Variants in DSCAML1 observed in about 807,000 individuals in gnomAD.
The protein encoded by DSCAML1 is cell adhesion molecule DSCAML1.
Under a neutral mutation model 200.5 loss-of-function variants are expected in DSCAML1, and 38 were observed. That is an observed-to-expected ratio of 0.19 (90% confidence interval 0.15 to 0.25). The LOEUF is 0.25. Among genes scored for constraint, DSCAML1 ranks in the 10% least tolerant of loss-of-function variants. The probability of loss-of-function intolerance (pLI) is 1.00; values close to 1 mark genes in which losing one functional copy is unlikely to be tolerated. For missense variants in DSCAML1, 2,223 were observed against 2,858.8 expected, an observed-to-expected ratio of 0.78 and a Z score of 5.07; for synonymous variants, 1,215 against 1,165.0, an observed-to-expected ratio of 1.04 and a Z score of -0.87.
At chr11:117,769,503 A>G (rs2054994373) in intron 3 of DSCAML1, among the ~76,000 whole-genome samples, 1 of 88,554 alleles carries the variant, frequency 1.1e-5, no homozygotes, top group South Asian at 2.6e-4. Context: ...TATATATAAT[A>G]TATATTTTAT....
In DSCAML1 at chr11:117,493,348, C is replaced by T. The variant is rs561031057; in HGVS notation, c.2359+10497G>A. On this transcript the variant is annotated intron_variant, in intron 11 of 32. Coordinates refer to ENST00000651296, the MANE Select transcript of DSCAML1 (RefSeq NM_020693.4). ...TTTTTTTTTTTTTGAGACAGAGTCTCGCTCTGTCACCAGGCTGGAGTGCAG... is the reference window on the plus strand; with the variant it reads ...TTTTTTTTTTTTTGAGACAGAGTCTTGCTCTGTCACCAGGCTGGAGTGCAG... 5.4e-5 allele frequency among the ~76,000 whole-genome samples: 8 copies of T among 148,370 alleles called. 1 individual carries two copies. Among genetic ancestry groups the T allele is most frequent in the Admixed American group, 4.7e-4 (7 of 14,912 alleles).
chr11:117,737,027 A>G (rs1277194634), intron 3 of DSCAML1, among the ~76,000 whole-genome samples: 2 of 152,124 alleles, frequency 1.3e-5, no homozygotes, highest in African/African-American at 4.8e-5. Flanking sequence ...GCAAGAGCTC[A>G]ACAAGCTGCT....
At chr11:117,486,921 T>C (rs1437990204) in intron 11 of DSCAML1, among the ~76,000 whole-genome samples, 32 of 85,104 alleles carry the variant, frequency 3.8e-4, no homozygotes, top group African/African-American at 1.2e-4. Context: ...CTTTTTTTTT[T>C]TTTTTTTTTT....
At chr11:117,506,296 C>G (rs551555002) in intron 8 of DSCAML1, among the ~76,000 whole-genome samples, 1 of 152,226 alleles carries the variant, frequency 6.6e-6, no homozygotes, top group East Asian at 1.9e-4. Flanking sequence ...AGTGGAAGCT[C>G]ACATCACTGT....
rs936546681 is a variant in DSCAML1 at position 117,469,626 on chromosome 11, G to T, written c.3024+284C>A. On this transcript the variant is annotated intron_variant, in intron 16 of 32. Coordinates refer to ENST00000651296, the MANE Select transcript of DSCAML1 (RefSeq NM_020693.4). This position sits in a 1 kb window ranked among gnomAD's most constrained non-coding sequence, Gnocchi z 4.1. Reference sequence around the variant, plus strand: ...TTGGACGACGGGCCAGCACCACCGAGGAACCATCTTCCCTCCTTGGCACTG... The same window carrying T: ...TTGGACGACGGGCCAGCACCACCGATGAACCATCTTCCCTCCTTGGCACTG... 1.3e-5 allele frequency among the ~76,000 whole-genome samples: 2 copies of T among 152,114 alleles called. No individual in the cohort carries two copies. The highest frequency in any genetic ancestry group is 2.9e-5 in the Non-Finnish European group (2 of 68,026).
At chr11:117,566,189 T>C (rs2050751879) in intron 3 of DSCAML1, among the ~76,000 whole-genome samples, 1 of 152,212 alleles carries the variant, frequency 6.6e-6, no homozygotes, top group South Asian at 2.1e-4. Flanking sequence ...GAGTGACTTG[T>C]ACAAAATTAG....
At chr11:117,441,530 C>T (rs1592580603) in intron 21 of DSCAML1, among the ~76,000 whole-genome samples, 1 of 150,118 alleles carries the variant, frequency 6.7e-6, no homozygotes, top group African/African-American at 2.5e-5. Flanking sequence ...AGGTGCGGGG[C>T]CACAGGTGCC....
chr11:117,643,831 CT>C (rs1591356101), intron 3 of DSCAML1, among the ~76,000 whole-genome samples: 1 of 152,344 alleles, frequency 6.6e-6, no homozygotes, highest in East Asian at 1.9e-4. Context: ...CCCTGTCACC[CT>C]CTGGGGTGAG....
intron 8 of DSCAML1, among the ~76,000 whole-genome samples, chr11:117,512,816 C>A (rs2049668740): frequency 2.6e-5 from 4 of 151,756 alleles, no homozygotes; most frequent in Admixed American, 2.6e-4. Flanking sequence ...TCCCCTTCCC[C>A]CCACTTCCCT....
chr11:117,750,470 G>A (rs917964977), intron 3 of DSCAML1, among the ~76,000 whole-genome samples: 1 of 152,214 alleles, frequency 6.6e-6, no homozygotes, highest in African/African-American at 2.4e-5. Flanking sequence ...CTCAAAGGCT[G>A]TACCTGCAGG....
intron 3 of DSCAML1, among the ~76,000 whole-genome samples, chr11:117,547,149 C>T (rs1221844367): frequency 6.6e-6 from 1 of 152,148 alleles, no homozygotes; most frequent in Non-Finnish European, 1.5e-5. Flanking sequence ...CCTCTTTATT[C>T]CCGGCCCTCG....
intron 11 of DSCAML1, among the ~76,000 whole-genome samples, chr11:117,496,989 T>C (rs769712612): frequency 1.3e-5 from 2 of 152,214 alleles, no homozygotes; most frequent in African/African-American, 2.4e-5. Context: ...CAGTAAGATC[T>C]CCCATGTTTC....
chr11:117,796,937 C>T, intron 1 of DSCAML1, 97 bp downstream of exon 1: 1 of 966,498 alleles, frequency 1.0e-6, no homozygotes, highest in Non-Finnish European at 1.4e-6. Flanking sequence ...GTCGGTTCCC[C>T]CACGCACCTG....
At chr11:117,773,163 T>C (rs1363504567) in intron 3 of DSCAML1, among the ~76,000 whole-genome samples, 1 of 152,114 alleles carries the variant, frequency 6.6e-6, no homozygotes, top group Non-Finnish European at 1.5e-5. Context: ...CTTCCCAGAC[T>C]CCTTCAGAAA....
chr11:117,524,737 C>T (rs1306899142), intron 5 of DSCAML1, 68 bp downstream of exon 5: 2 of 1,519,520 alleles, frequency 1.3e-6, no homozygotes, highest in African/African-American at 1.4e-5. Context: ...GTCGGCCACA[C>T]TCCTCCCCCG....
intron 3 of DSCAML1, among the ~76,000 whole-genome samples, chr11:117,760,255 A>G (rs993691751): frequency 5.3e-5 from 8 of 152,238 alleles, no homozygotes; most frequent in African/African-American, 1.9e-4. Context: ...TATTTTCTTC[A>G]GATCGTTTTT....
intron 3 of DSCAML1, among the ~76,000 whole-genome samples, chr11:117,604,189 C>T (rs186810984): frequency 3.3e-5 from 5 of 152,268 alleles, no homozygotes; most frequent in Admixed American, 3.3e-4. Flanking sequence ...GGCATCTGAC[C>T]CATGGCAGGT....
At position 117,626,207 on chromosome 11, in the gene DSCAML1, CCCT is replaced by C. The variant is rs199662987; in HGVS notation, c.512-93688_512-93686del. ...AGCCCACTCTTGCTGAGACCCCCCC[CCCT>C]CCTTCTTCTGGCATGAGACCTGGTC... is the stretch of plus-strand genomic sequence containing the variant. On this transcript the variant is annotated intron_variant, in intron 3 of 32. Coordinates refer to ENST00000651296, the MANE Select transcript of DSCAML1 (RefSeq NM_020693.4). 4.7e-3 allele frequency among the ~76,000 whole-genome samples: 639 copies of C among 135,478 alleles called. 3 individuals carry two copies. The highest frequency in any genetic ancestry group is 0.034 in the East Asian group (150 of 4,428). The allele number at this position is 135,478 out of a possible 152,430, so 88.9% of individuals were successfully genotyped here. A position where few individuals can be genotyped will look rare whatever the true frequency, so the allele number is the denominator to read the frequency against.
chr11:117,435,659 G>A lies in DSCAML1; in HGVS notation c.4861C>T (p.Leu1621=), dbSNP rs1440565486. The change falls in exon 27 of 33, where the codon CTG becomes TTG. Residue 1621 remains leucine, a synonymous_variant. Transcript: ENST00000651296. The stretch of plus-strand genomic sequence containing the variant: ...GCTCCCCCACCTCGGAGTCGCTTCA[G>A]CCGTTTCTCCTTCCTCTTCTTGCGT... ...IVRKKRKEKR[L]KRLRDAKSLA... is the part of the protein sequence containing the mutation. 1 of 1,600,326 alleles carries A rather than the reference G, an allele frequency of 6.2e-7. No homozygotes were observed. The highest frequency in any genetic ancestry group is 1.7e-5 in the Admixed American group (1 of 59,706).
Sources: gnomAD v4.1 joint callset for allele counts (sites outside exome capture counted in the v4.1 genomes callset) on GRCh38, gnomAD v4.1.1 for gene constraint, Gnocchi (gnomAD v3.1) non-coding constraint, MANE v1.5 for transcripts, NCBI Gene and HGNC (gene_info 2026-07-23, HGNC 2026-07-21) for gene names.